Variants in C2 observed in about 807,000 individuals in gnomAD.
C2 encodes complement C2.
C2 carries 64 observed loss-of-function variants against 85.2 expected under a neutral mutation model. The ratio of observed to expected loss-of-function variants is 0.75; its 90% confidence interval spans 0.61 to 0.92. The LOEUF (loss-of-function observed/expected upper bound fraction) is 0.92, where lower values mean the gene tolerates loss of function less well. Among genes scored for constraint, C2 ranks in the 40% least tolerant of loss-of-function variants. The pLI, the probability that C2 is intolerant of heterozygous loss-of-function variation, is 0.00. For synonymous variants in C2, 311 were observed against 370.8 expected (o/e 0.84, Z 1.85); for missense variants, 820 against 971.6 (o/e 0.84, Z 2.07).
intron 1 of C2, among the ~76,000 whole-genome samples, chr6:31,909,418 A>G (rs1011780985): frequency 6.6e-6 from 1 of 151,666 alleles, no homozygotes; most frequent in Non-Finnish European, 1.5e-5. Context: ...TAGCCTCCCG[A>G]GTAGCTAGGA....
At chr6:31,912,608 G>A (rs1768189756) in intron 1 of C2, among the ~76,000 whole-genome samples, 1 of 152,146 alleles carries the variant, frequency 6.6e-6, no homozygotes, top group Admixed American at 6.5e-5. Flanking sequence ...GGGAGGCTGA[G>A]GCAGGTGGAT....
chr6:31,920,875 C>G lies in C2; in HGVS notation c.-100+849C>G, dbSNP rs1363956348. 3.3e-5 allele frequency among the ~76,000 whole-genome samples: 5 copies of G among 152,176 alleles called. No homozygotes were observed. Among genetic ancestry groups the G allele is most frequent in the Non-Finnish European group, 7.3e-5 (5 of 68,030 alleles). On this transcript the variant is annotated intron_variant, in intron 1 of 3. Coordinates refer to the C2 transcript ENST00000413154. This position sits in a 1 kb window ranked among gnomAD's most constrained non-coding sequence, Gnocchi z 5.6. ...TGTTTGTGCAATGGATGGACAAGGA[C>G]AGGAGGTTCAGTGTCTAACCCAGTG...
chr6:31,945,346 T>C lies in C2; in HGVS notation c.2248T>C (p.Leu750=), dbSNP rs774346610. ...RQHLGDVLNF[L]PL Reference sequence around the variant, plus strand: ...GCACCTGGGGGATGTCCTGAATTTTTTACCCCTCTAGCCATGGCCACTGAG... The same window carrying C: ...GCACCTGGGGGATGTCCTGAATTTTCTACCCCTCTAGCCATGGCCACTGAG... The change falls in exon 18 of 18, where the codon TTA becomes CTA. Residue 750 remains leucine, a synonymous_variant. Transcript: ENST00000299367. This position sits in a 1 kb window ranked among gnomAD's most constrained non-coding sequence, Gnocchi z 5.3. 59 of 1,612,834 alleles carry C rather than the reference T, an allele frequency of 3.7e-5. No individual in the cohort carries two copies. Among genetic ancestry groups the C allele is most frequent in the Non-Finnish European group, 5.0e-5 (59 of 1,180,004 alleles).
Position 31,935,808 on chromosome 6 carries a change from C to T in C2, c.850-115C>T. 3 of 1,167,052 alleles carry T rather than the reference C, an allele frequency of 2.6e-6. No homozygotes were observed. Among genetic ancestry groups the T allele is most frequent in the Non-Finnish European group, 3.8e-6 (3 of 787,604 alleles). The allele number at this position is 1,167,052 out of a possible 1,614,324, so 72.3% of individuals were successfully genotyped here. Reference sequence around the variant, plus strand: ...TCCTAGTGTCTCCCCTGGTCCTTGCCTCTGTCGGTCTCACTCCAGTTTCTC... The same window carrying T: ...TCCTAGTGTCTCCCCTGGTCCTTGCTTCTGTCGGTCTCACTCCAGTTTCTC... On this transcript the variant is annotated intron_variant, in intron 6 of 17. Coordinates refer to ENST00000299367, the MANE Select transcript of C2 (RefSeq NM_000063.6). This position sits in a 1 kb window ranked among gnomAD's most constrained non-coding sequence, Gnocchi z 4.3.
chr6:31,944,155 C>CA lies in C2; in HGVS notation c.1832dup (p.Ser612GlufsTer17). 1 of 1,612,494 alleles carries CA rather than the reference C, an allele frequency of 6.2e-7. No homozygotes were observed. The highest frequency in any genetic ancestry group is 8.5e-7 in the Non-Finnish European group (1 of 1,179,482). ...TATAGAGAATGAACTGCTGAACAAA[C>CA]AGAGTGTTCCTGCTCATTTTGTCGC... On this transcript the variant is annotated frameshift_variant, in exon 15 of 18. Transcript: ENST00000299367. LOFTEE classifies it high-confidence loss of function. This position sits in a 1 kb window ranked among gnomAD's most constrained non-coding sequence, Gnocchi z 5.1.
intron 3 of C2, among the ~76,000 whole-genome samples, chr6:31,929,258 T>C (rs755886992): frequency 6.6e-6 from 1 of 152,214 alleles, no homozygotes; most frequent in Non-Finnish European, 1.5e-5. Flanking sequence ...TGTGCTTTAA[T>C]GCCTTGCCTT....
chr6:31,900,896 C>G, upstream of C2: 1 of 1,614,060 alleles, frequency 6.2e-7, no homozygotes, highest in Non-Finnish European at 8.5e-7. This position sits in a 1 kb window ranked among gnomAD's most constrained non-coding sequence, Gnocchi z 9.7. Flanking sequence ...CTCACTGACC[C>G]CATCCTCTTT....
upstream of C2, among the ~76,000 whole-genome samples, chr6:31,926,542 C>G (rs371826002): frequency 2.0e-5 from 3 of 152,032 alleles, no homozygotes; most frequent in African/African-American, 7.2e-5. Context: ...CCATGTTGGC[C>G]GGGCTGGTCT....
chr6:31,937,301 C>A lies in C2; in HGVS notation c.989-18C>A. ...GTGGGAAGTTTCTAAGAGAGTCCTT[C>A]CTTTTGGCATATTCCAGATCATGAA... On this transcript the variant is annotated intron_variant, in intron 7 of 17. Coordinates refer to ENST00000299367, the MANE Select transcript of C2 (RefSeq NM_000063.6). The A allele has an allele frequency of 6.2e-7, 1 of 1,612,592 alleles. No homozygotes were observed. The highest frequency in any genetic ancestry group is 8.5e-7 in the Non-Finnish European group (1 of 1,179,788).
upstream of C2, among the ~76,000 whole-genome samples, chr6:31,922,880 A>G (rs191274323): frequency 3.1e-3 from 468 of 152,060 alleles, 2 homozygotes; most frequent in African/African-American, 0.01. The surrounding 1 kb of genome is among the most constrained non-coding windows in gnomAD (Gnocchi z 4.8). Flanking sequence ...CAAAAATCCA[A>G]CTCTGACTAG....
At position 31,937,726 on chromosome 6, in the gene C2, A is replaced by G. The variant is rs1770546457; in HGVS notation, c.1129+267A>G. On this transcript the variant is annotated intron_variant, in intron 8 of 17. Coordinates refer to ENST00000299367, the MANE Select transcript of C2 (RefSeq NM_000063.6). ...AGTTTCTTATTTATAAAATAGGGCCAGTGTGGTGGCTTATGCCTGTAGTCC... is the reference window on the plus strand; with the variant it reads ...AGTTTCTTATTTATAAAATAGGGCCGGTGTGGTGGCTTATGCCTGTAGTCC... 2.0e-5 allele frequency among the ~76,000 whole-genome samples: 3 copies of G among 149,750 alleles called. 1 individual carries two copies. The highest frequency in any genetic ancestry group is 2.0e-4 in the Admixed American group (3 of 15,114).
At chr6:31,928,264 G>T in intron 2 of C2, 100 bp downstream of exon 2, 1 of 1,113,988 alleles carries the variant, frequency 9.0e-7, no homozygotes, top group South Asian at 1.3e-5. Flanking sequence ...CTGACTAGAT[G>T]GCAAAGTTGC....
At chr6:31,912,279 T>C (rs1011206534) in intron 1 of C2, among the ~76,000 whole-genome samples, 1 of 152,218 alleles carries the variant, frequency 6.6e-6, no homozygotes, top group African/African-American at 2.4e-5. Flanking sequence ...AAAAAAGATA[T>C]AAAGGCTTCA....
At chr6:31,900,793 AGGAGGT>A, upstream of C2, 1 of 1,181,900 alleles carries the variant, frequency 8.5e-7, no homozygotes. This position sits in a 1 kb window ranked among gnomAD's most constrained non-coding sequence, Gnocchi z 9.7. Flanking sequence ...GAGGGGGTAG[AGGAGGT>A]GGGGGTGGGG....
chr6:31,941,814 C>CAT (rs764170085), intron 9 of C2: 4 of 96,698 alleles, frequency 4.1e-5, no homozygotes, highest in Non-Finnish European at 7.7e-5. Flanking sequence ...AGCCAGTTCA[C>CAT]TTTTTTTTTT....
rs934877784 is a variant in C2 at position 31,928,287 on chromosome 6, C to T, written c.256+123C>T. On this transcript the variant is annotated intron_variant, in intron 2 of 17. Coordinates refer to ENST00000299367, the MANE Select transcript of C2 (RefSeq NM_000063.6). ...ATGGCAAAGTTGCTTTTGCAGAGGG[C>T]TTTTCAAAATATCCAGAAAATGTCA... 4 of 843,772 alleles carry T rather than the reference C, an allele frequency of 4.7e-6. No individual in the cohort carries two copies. In the Admixed American group the frequency reaches 6.1e-5, roughly 13 times the overall value. The allele number at this position is 843,772 out of a possible 1,614,324, so 52.3% of individuals were successfully genotyped here.
upstream of C2, among the ~76,000 whole-genome samples, chr6:31,927,116 C>T (rs1021722314): frequency 6.6e-6 from 1 of 152,046 alleles, no homozygotes; most frequent in African/African-American, 2.4e-5. This position sits in a 1 kb window ranked among gnomAD's most constrained non-coding sequence, Gnocchi z 4.7. Flanking sequence ...ATTTTTTCCA[C>T]CTAGATTATC....
Position 31,945,020 on chromosome 6 carries a change from G to A in C2, c.2070G>A (p.Arg690=). Residue 690 remains arginine, a synonymous_variant, in exon 17 of 18, where the codon AGG becomes AGA. Coordinates refer to ENST00000299367, the MANE Select transcript of C2 (RefSeq NM_000063.6). This position sits in a 1 kb window ranked among gnomAD's most constrained non-coding sequence, Gnocchi z 5.3. ...GGAVFLERRF[R]FFQVGLVSWG... ...CAGTTTTCCTTGAGCGGAGATTCAGGTTTTTTCAGGTGAGAAGGTAGAAGC... is the reference window on the plus strand; with the variant it reads ...CAGTTTTCCTTGAGCGGAGATTCAGATTTTTTCAGGTGAGAAGGTAGAAGC... The A allele has an allele frequency of 6.2e-7, 1 of 1,613,034 alleles. No individual in the cohort carries two copies. Among genetic ancestry groups the A allele is most frequent in the Non-Finnish European group, 8.5e-7 (1 of 1,180,022 alleles).
chr6:31,931,914 C>T (rs1468659117), intron 3 of C2, among the ~76,000 whole-genome samples: 4 of 76,852 alleles, frequency 5.2e-5, no homozygotes, highest in African/African-American at 1.4e-4. Context: ...ACCTCCCTCC[C>T]GGACGGCGCG....
Sources: allele counts gnomAD v4.1 joint callset (sites outside exome capture counted in the v4.1 genomes callset), GRCh38; gene constraint gnomAD v4.1.1; non-coding constraint Gnocchi (gnomAD v3.1); transcripts MANE v1.5; gene names NCBI Gene and HGNC (gene_info 2026-07-23, HGNC 2026-07-21).